The following CAMK1G variants were observed in gnomAD, a reference collection of about 807,000 sequenced individuals.
The protein encoded by CAMK1G is calcium/calmodulin-dependent protein kinase type 1G.
In CAMK1G, 27 loss-of-function variants were observed where a neutral mutation model predicts 54.8. The ratio of observed to expected loss-of-function variants is 0.49; its 90% CI spans 0.36 to 0.68. The LOEUF is 0.68. CAMK1G is among the 30% of genes least tolerant of loss of function. The pLI is 0.00. For synonymous variants in CAMK1G, 238 were observed against 224.9 expected (o/e 1.06, Z -0.52); for missense variants, 512 against 591.0 (o/e 0.87, Z 1.39).
At chr1:209,593,691 C>T (rs1382184149) in intron 1 of CAMK1G, among the ~76,000 whole-genome samples, 1 of 152,218 alleles carries the variant, frequency 6.6e-6, no homozygotes, top group Admixed American at 6.5e-5. Flanking sequence ...TCCCAGAATA[C>T]ATCCCAGGTT....
At chr1:209,610,346 AG>A (rs1363672876) in intron 9 of CAMK1G, among the ~76,000 whole-genome samples, 1 of 152,242 alleles carries the variant, frequency 6.6e-6, no homozygotes, top group African/African-American at 2.4e-5. Context: ...TTGGCAAAAT[AG>A]GAAAAAGAAA....
intron 2 of CAMK1G, among the ~76,000 whole-genome samples, chr1:209,599,587 C>T (rs941453369): frequency 6.6e-6 from 1 of 152,298 alleles, no homozygotes; most frequent in African/African-American, 2.4e-5. Context: ...CTTACGTGAC[C>T]ATAGGACAGT....
intron 6 of CAMK1G, among the ~76,000 whole-genome samples, chr1:209,607,625 C>T (rs1277835675): frequency 6.6e-6 from 1 of 152,156 alleles, no homozygotes; most frequent in African/African-American, 2.4e-5. Context: ...AGTCATCGAC[C>T]CTGTCATGGG....
rs530061704 is a variant in CAMK1G at position 209,604,483 on chromosome 1, G to GCT, written c.297-1052_297-1051dup. Among the ~76,000 whole-genome samples the GCT allele has an allele frequency of 1.7e-3, 254 of 152,300 alleles. 3 individuals are homozygous for GCT. The highest frequency in any genetic ancestry group is 9.2e-3 in the Admixed American group (141 of 15,308). ...AGAGTGTATTTCCTACAGGCCTTCA[G>GCT]CTACTATAGGAGCGCCCAAAGCCTA... is the stretch of plus-strand genomic sequence containing the variant. On this transcript the variant is annotated intron_variant, in intron 4 of 12. Transcript: ENST00000361322.
rs55936082 is a variant in CAMK1G, at chr1:209,596,661, C to CCACACACA, written c.92+1620_92+1627dup. ...GTATGTATTTTACATCACACACACA[C>CCACACACA]CACACACACACACACACACACACAC... On this transcript the variant is annotated intron_variant, in intron 2 of 12. Transcript: ENST00000361322. Among the ~76,000 whole-genome samples, 270 of 148,196 alleles carry CCACACACA rather than the reference C, an allele frequency of 1.8e-3. No individual in the cohort carries two copies. In the East Asian group the frequency reaches 0.021, roughly 12 times the overall value.
At chr1:209,605,444 C>A in intron 4 of CAMK1G, 92 bp from the exon 5 acceptor site, 5 of 1,464,572 alleles carry the variant, frequency 3.4e-6, no homozygotes, top group Non-Finnish European at 3.7e-6. Flanking sequence ...TGTTCCACTG[C>A]AGCTGTGTCC....
Position 209,598,087 on chromosome 1 carries a change from G to A in CAMK1G, c.93-1896G>A, listed in dbSNP as rs138220679. Among the ~76,000 whole-genome samples, 168 of 152,276 alleles carry A rather than the reference G, an allele frequency of 1.1e-3. 2 individuals carry two copies. Among genetic ancestry groups the A allele is most frequent in the African/African-American group, 3.7e-3 (154 of 41,554 alleles). On this transcript the variant is annotated intron_variant, in intron 2 of 12. Coordinates refer to ENST00000361322, the MANE Select transcript of CAMK1G (RefSeq NM_020439.3). ...TTATCCCAAAAGCTGAGATTCTAAC[G>A]TGAACAATCAGGCTTCAGCATCTGT... is the stretch of plus-strand genomic sequence containing the variant.
chr1:209,594,692 A>G (rs1423994943), intron 1 of CAMK1G, among the ~76,000 whole-genome samples: 3 of 152,230 alleles, frequency 2.0e-5, no homozygotes, highest in African/African-American at 7.2e-5. Context: ...CAGGTTATCT[A>G]CACACGTACT....
chr1:209,591,095 TA>T (rs1665236078), intron 1 of CAMK1G, among the ~76,000 whole-genome samples: 1 of 151,052 alleles, frequency 6.6e-6, no homozygotes, highest in South Asian at 2.1e-4. Flanking sequence ...CCGACTCTTA[TA>T]TTCTATCTTC....
chr1:209,589,597 T>C (rs1665194275), intron 1 of CAMK1G, among the ~76,000 whole-genome samples: 2 of 152,182 alleles, frequency 1.3e-5, no homozygotes, highest in African/African-American at 4.8e-5. Flanking sequence ...TTTTCTCTCA[T>C]TCACTCATTT....
chr1:209,592,877 G>A (rs1479289560), intron 1 of CAMK1G, among the ~76,000 whole-genome samples: 2 of 152,042 alleles, frequency 1.3e-5, no homozygotes, highest in Admixed American at 1.3e-4. Flanking sequence ...TCTATTCCAT[G>A]AAACCTATTT....
chr1:209,612,620 G>A (rs1474356495), intron 11 of CAMK1G, 165 bp from the exon 12 acceptor site: 2 of 168,786 alleles, frequency 1.2e-5, no homozygotes, highest in Non-Finnish European at 2.4e-5. Context: ...AGTGTAGGGG[G>A]GCTTGGTTAT....
intron 3 of CAMK1G, among the ~76,000 whole-genome samples, chr1:209,601,762 T>A (rs1434375656): frequency 6.6e-6 from 1 of 152,226 alleles, no homozygotes; most frequent in East Asian, 1.9e-4. Flanking sequence ...GTAAAGAAGA[T>A]AGCTACTATT....
intron 7 of CAMK1G, among the ~76,000 whole-genome samples, 195 bp from the exon 8 acceptor site, chr1:209,608,783 GGC>G (rs1245485763): frequency 6.6e-6 from 1 of 152,204 alleles, no homozygotes; most frequent in Non-Finnish European, 1.5e-5. Flanking sequence ...ACTGTGCCAA[GGC>G]TTGGCACTTG....
In CAMK1G at chr1:209,600,033, T is replaced by A. The variant is rs1484580761; in HGVS notation, c.143T>A (p.Leu48His). 13 of 1,613,916 alleles carry A rather than the reference T, an allele frequency of 8.1e-6. No homozygotes were observed. Among genetic ancestry groups the A allele is most frequent in the Non-Finnish European group, 1.1e-5 (13 of 1,179,914 alleles). ...GTGAAGCAAAGACTGACTGGGAAGC[T>A]CTTTGCTCTGAAGTGCATCAAGAAG... ...FLVKQRLTGK[L>H]FALKCIKKSP... The change falls in exon 3 of 13, where the codon CTC (leucine) becomes CAC (histidine). Residue 48 changes from leucine to histidine, a missense_variant. Physicochemically the swap from Leu to His is moderately conservative, Grantham distance 99. This residue lies in a region of CAMK1G where 186 missense variants were observed against 231.5 expected (regional missense o/e 0.80). Coordinates refer to ENST00000361322, the MANE Select transcript of CAMK1G (RefSeq NM_020439.3).
rs1665715605 is a variant in CAMK1G at position 209,608,991 on chromosome 1, A to G, written c.647A>G (p.Tyr216Cys). The G allele has an allele frequency of 6.2e-7, 1 of 1,613,694 alleles. No homozygotes were observed. Among genetic ancestry groups the G allele is most frequent in the Non-Finnish European group, 8.5e-7 (1 of 1,179,888 alleles). Residue 216 changes from tyrosine (Y) to cysteine (C), a missense_variant, in exon 8 of 13, where the codon TAC (tyrosine) becomes TGC (cysteine). By Grantham distance (194) the Tyr-to-Cys change is radical (BLOSUM62 -2). Transcript: ENST00000361322. ...GVITYILLCG[Y>C]PPFYEETESK... is the part of the protein sequence containing the mutation. Reference sequence around the variant, plus strand: ...CTGTCCTGCTGCAGGCTCTGTGGATACCCCCCATTCTATGAAGAAACGGAG... The same window carrying G: ...CTGTCCTGCTGCAGGCTCTGTGGATGCCCCCCATTCTATGAAGAAACGGAG...
chr1:209,595,159 G>A, intron 2 of CAMK1G, 84 bp downstream of exon 2: 3 of 944,144 alleles, frequency 3.2e-6, no homozygotes, highest in Admixed American at 3.6e-5. Context: ...GGCAGCAATT[G>A]ATGAACTGGA....
chr1:209,608,381 T>A lies in CAMK1G; in HGVS notation c.635+448T>A, dbSNP rs369616880. Among the ~76,000 whole-genome samples, 39 of 152,230 alleles carry A rather than the reference T, an allele frequency of 2.6e-4. No homozygotes were observed. In the East Asian group the frequency reaches 7.2e-3, roughly 28 times the overall value. Reference sequence around the variant, plus strand: ...TAAAGCTGGTCAGGGCCTTTCCTTTTCGCTCCTCTCCACACATTCCCAAGC... The same window carrying A: ...TAAAGCTGGTCAGGGCCTTTCCTTTACGCTCCTCTCCACACATTCCCAAGC... On this transcript the variant is annotated intron_variant, in intron 7 of 12. Coordinates refer to ENST00000361322, the MANE Select transcript of CAMK1G (RefSeq NM_020439.3).
chr1:209,609,121 A>T (rs749820011), intron 8 of CAMK1G, 29 bp downstream of exon 8: 3 of 1,613,906 alleles, frequency 1.9e-6, no homozygotes, highest in Non-Finnish European at 2.5e-6. Flanking sequence ...AAGGAGAGAT[A>T]ACAGGCTCAA....
Sources: gnomAD v4.1 joint callset for allele counts (sites outside exome capture counted in the v4.1 genomes callset) on GRCh38, gnomAD v4.1.1 for gene constraint, gnomAD v4.1.1 regional missense constraint, MANE v1.5 for transcripts, NCBI Gene and HGNC (gene_info 2026-07-23, HGNC 2026-07-21) for gene names.